MVB12B: variants seen among roughly 807,000 people sequenced by gnomAD.
MVB12B encodes multivesicular body subunit 12B, also known as ESCRT-I complex subunit MVB12B.
In MVB12B, 16 loss-of-function variants were observed where a neutral mutation model predicts 41.6. The observed-to-expected ratio is 0.38, with a 90% CI of 0.26 to 0.58. The LOEUF (loss-of-function observed/expected upper bound fraction) is 0.58. Ranked by LOEUF, MVB12B falls within the 20% of genes least tolerant of loss-of-function variation. The pLI, the probability that MVB12B is intolerant of heterozygous loss-of-function variation, is 0.62. For synonymous variants in MVB12B, 133 were observed against 139.7 expected (o/e 0.95, Z 0.34); for missense variants, 274 against 380.2 (o/e 0.72, Z 2.32).
chr9:126,501,920 C>G (rs530391336), intron 9 of MVB12B, among the ~76,000 whole-genome samples: 1 of 152,020 alleles, frequency 6.6e-6, no homozygotes, highest in African/African-American at 2.4e-5. Context: ...GGGTGCAGTG[C>G]TCCGCCTCCT....
At chr9:126,475,203 T>A (rs918194937) in intron 7 of MVB12B, among the ~76,000 whole-genome samples, 1 of 152,178 alleles carries the variant, frequency 6.6e-6, no homozygotes, top group African/African-American at 2.4e-5. Context: ...TTTACTGGTT[T>A]TCACTCTGTT....
intron 7 of MVB12B, among the ~76,000 whole-genome samples, chr9:126,442,137 T>C (rs1832656295): frequency 6.6e-6 from 1 of 152,266 alleles, no homozygotes; most frequent in African/African-American, 2.4e-5. Flanking sequence ...TTCTGAATTT[T>C]GGATCTGTCT....
In MVB12B at chr9:126,494,871, C is replaced by A. The variant is rs1032553897; in HGVS notation, c.874-8306C>A. On this transcript the variant is annotated intron_variant, in intron 9 of 9. Coordinates refer to ENST00000361171, the MANE Select transcript of MVB12B (RefSeq NM_033446.3). Reference sequence around the variant, plus strand: ...CTCAGTGACCAGGGAGCACCCCACCCCCCCCCAGGGTTGTTTGCAGACACC... The same window carrying A: ...CTCAGTGACCAGGGAGCACCCCACCACCCCCCAGGGTTGTTTGCAGACACC... Among the ~76,000 whole-genome samples the A allele has an allele frequency of 3.3e-5, 5 of 151,480 alleles. No individual in the cohort carries two copies. In the East Asian group the frequency reaches 5.8e-4, roughly 18 times the overall value.
intron 7 of MVB12B, among the ~76,000 whole-genome samples, chr9:126,439,248 C>T (rs959397137): frequency 5.9e-5 from 9 of 151,404 alleles, no homozygotes; most frequent in African/African-American, 2.2e-4. Context: ...GAGCTCTGGG[C>T]AGGGAGCTCA....
chr9:126,403,646 C>T (rs1254409896), intron 6 of MVB12B, among the ~76,000 whole-genome samples: 9 of 152,200 alleles, frequency 5.9e-5, no homozygotes, highest in Non-Finnish European at 2.9e-5. Flanking sequence ...TATTGCATCA[C>T]CGTTCATCAA....
At chr9:126,330,254 T>C (rs1258232162) in intron 1 of MVB12B, among the ~76,000 whole-genome samples, 2 of 151,986 alleles carry the variant, frequency 1.3e-5, no homozygotes, top group African/African-American at 4.8e-5. Context: ...TGGAGGGCCA[T>C]CTTGTTGGAC....
intron 6 of MVB12B, among the ~76,000 whole-genome samples, chr9:126,411,820 A>G (rs1347428333): frequency 6.6e-6 from 1 of 152,238 alleles, no homozygotes; most frequent in African/African-American, 2.4e-5. Flanking sequence ...AAGTTACAAG[A>G]AAGAATTACA....
At chr9:126,460,584 G>A (rs1256749978) in intron 7 of MVB12B, among the ~76,000 whole-genome samples, 1 of 151,982 alleles carries the variant, frequency 6.6e-6, no homozygotes, top group Non-Finnish European at 1.5e-5. Context: ...AGCAGCCAAC[G>A]GCAGGTCAGA....
Position 126,327,920 on chromosome 9 carries a change from C to T in MVB12B, c.81+910C>T, listed in dbSNP as rs28490295. Among the ~76,000 whole-genome samples the T allele has an allele frequency of 1.4e-3, 218 of 152,290 alleles. 1 individual carries two copies. The highest frequency in any genetic ancestry group is 5.1e-3 in the African/African-American group (213 of 41,558). ...AACCAGAGCCCACTCCGATTGCTGC[C>T]ACAAAAGCAGACAGCAGACCAGCTC... On this transcript the variant is annotated intron_variant, in intron 1 of 9. Transcript: ENST00000361171.
intron 2 of MVB12B, among the ~76,000 whole-genome samples, chr9:126,355,821 A>C (rs1250817595): frequency 1.3e-5 from 2 of 152,254 alleles, no homozygotes; most frequent in Non-Finnish European, 2.9e-5. Context: ...ACCATTTTAA[A>C]GTGAACAATT....
At chr9:126,412,121 C>T (rs1030189436) in intron 6 of MVB12B, among the ~76,000 whole-genome samples, 10 of 152,230 alleles carry the variant, frequency 6.6e-5, no homozygotes, top group African/African-American at 2.4e-4. Context: ...AGAGCGGGCG[C>T]TCTAGAAGGT....
chr9:126,481,115 C>G, intron 7 of MVB12B: 2 of 518,248 alleles, frequency 3.9e-6, no homozygotes, highest in East Asian at 6.7e-5. Flanking sequence ...GCTCTCTGCT[C>G]CTAGAGCTCT....
intron 2 of MVB12B, among the ~76,000 whole-genome samples, chr9:126,370,320 G>A (rs1830301323): frequency 6.6e-6 from 1 of 151,142 alleles, no homozygotes; most frequent in Non-Finnish European, 1.5e-5. Flanking sequence ...GCTGTGAATG[G>A]TCTAGCACTG....
At chr9:126,502,006 G>A (rs1564354856) in intron 9 of MVB12B, among the ~76,000 whole-genome samples, 1 of 152,180 alleles carries the variant, frequency 6.6e-6, no homozygotes, top group East Asian at 1.9e-4. Flanking sequence ...TGTCCCCCAA[G>A]GAGCTGCAGC....
At chr9:126,350,593 G>C (rs1401699525) in intron 2 of MVB12B, among the ~76,000 whole-genome samples, 4 of 152,212 alleles carry the variant, frequency 2.6e-5, no homozygotes, top group African/African-American at 9.7e-5. Context: ...AAACAGTGCA[G>C]GTCATCTCAT....
chr9:126,363,464 T>A (rs1830081205), intron 2 of MVB12B, among the ~76,000 whole-genome samples: 1 of 152,212 alleles, frequency 6.6e-6, no homozygotes, highest in South Asian at 2.1e-4. Context: ...TTCTCCACGC[T>A]CCTTTCTTAA....
At chr9:126,398,730 T>TCGC (rs1308717267) in intron 6 of MVB12B, among the ~76,000 whole-genome samples, 1 of 151,590 alleles carries the variant, frequency 6.6e-6, no homozygotes, top group African/African-American at 2.4e-5. Flanking sequence ...GCAGGCTCTT[T>TCGC]CGCCGCAGAG....
intron 6 of MVB12B, among the ~76,000 whole-genome samples, chr9:126,407,621 A>AC (rs1422637274): frequency 6.7e-6 from 1 of 149,384 alleles, no homozygotes; most frequent in Admixed American, 6.7e-5. Context: ...AGACTACCCC[A>AC]CCCCCACCGA....
chr9:126,381,945 G>A (rs900782820), intron 3 of MVB12B, among the ~76,000 whole-genome samples: 9 of 151,790 alleles, frequency 5.9e-5, no homozygotes, highest in African/African-American at 1.9e-4. Context: ...CTCTTCCCCA[G>A]CCCCAAACAG....
Sources: gnomAD v4.1 joint callset for allele counts (sites outside exome capture counted in the v4.1 genomes callset) on GRCh38, gnomAD v4.1.1 for gene constraint, MANE v1.5 for transcripts, NCBI Gene and HGNC (gene_info 2026-07-23, HGNC 2026-07-21) for gene names.